DGKI: variants seen among roughly 807,000 people sequenced by gnomAD.
DGKI encodes the protein diacylglycerol kinase iota.
DGKI carries 55 observed loss-of-function variants against 147.5 expected under a neutral mutation model. That is an observed-to-expected ratio of 0.37 (90% CI 0.30 to 0.47). DGKI has a LOEUF of 0.47. DGKI is among the 20% of genes least tolerant of loss of function. The pLI, the probability that DGKI is intolerant of heterozygous loss-of-function variation, is 1.00. For missense variants in DGKI, 1,007 were observed against 1,323.8 expected (o/e 0.76, Z 3.71); for synonymous variants, 469 against 477.1 (o/e 0.98, Z 0.22).
intron 22 of DGKI, among the ~76,000 whole-genome samples, chr7:137,486,167 T>A (rs1815549771): frequency 6.6e-6 from 1 of 152,138 alleles, no homozygotes; most frequent in Non-Finnish European, 1.5e-5. Flanking sequence ...CCATTAGTTT[T>A]AAAAATTTTT....
intron 29 of DGKI, among the ~76,000 whole-genome samples, chr7:137,409,485 G>A (rs1027230520): frequency 2.0e-5 from 3 of 152,188 alleles, no homozygotes; most frequent in Admixed American, 6.5e-5. Context: ...AAACAGCCAC[G>A]GAAGACCTCC....
At chr7:137,484,714 G>A (rs1199795979) in intron 23 of DGKI, among the ~76,000 whole-genome samples, 10 of 151,956 alleles carry the variant, frequency 6.6e-5, no homozygotes, top group Admixed American at 6.6e-4. Flanking sequence ...AAGTCTGCTG[G>A]GATAAAGAAT....
intron 1 of DGKI, among the ~76,000 whole-genome samples, chr7:137,818,480 T>C (rs1054450707): frequency 6.6e-6 from 1 of 152,126 alleles, no homozygotes; most frequent in African/African-American, 2.4e-5. Flanking sequence ...CAGGCTGGAG[T>C]GCATGGCGCA....
chr7:137,643,629 G>C (rs3800616), intron 6 of DGKI, among the ~76,000 whole-genome samples: 27 of 152,182 alleles, frequency 1.8e-4, no homozygotes, highest in African/African-American at 6.0e-4. Context: ...CCCCACTGAC[G>C]ACGGACGTGC....
chr7:137,807,474 C>A (rs1797416794), intron 1 of DGKI, among the ~76,000 whole-genome samples: 1 of 152,178 alleles, frequency 6.6e-6, no homozygotes, highest in East Asian at 1.9e-4. Flanking sequence ...CTTTTAAGTA[C>A]CCTCTATTTT....
At chr7:137,570,967 A>G (rs1563091139) in intron 19 of DGKI, among the ~76,000 whole-genome samples, 1 of 152,156 alleles carries the variant, frequency 6.6e-6, no homozygotes, top group Non-Finnish European at 1.5e-5. Flanking sequence ...AGTGATACTC[A>G]TTTATTCTTG....
chr7:137,408,998 A>G (rs1011083981), intron 29 of DGKI, among the ~76,000 whole-genome samples: 1 of 152,242 alleles, frequency 6.6e-6, no homozygotes, highest in Non-Finnish European at 1.5e-5. Context: ...AAGGTGAAAG[A>G]GCATAAATGA....
chr7:137,527,541 T>A (rs1415829574), intron 20 of DGKI, among the ~76,000 whole-genome samples: 1 of 152,218 alleles, frequency 6.6e-6, no homozygotes, highest in Non-Finnish European at 1.5e-5. Flanking sequence ...TAACTCATGT[T>A]GAGACAAGAT....
At chr7:137,638,911 A>G (rs1370727961) in intron 6 of DGKI, among the ~76,000 whole-genome samples, 1 of 151,904 alleles carries the variant, frequency 6.6e-6, no homozygotes, top group Non-Finnish European at 1.5e-5. Context: ...ATTTGTACAT[A>G]GTCTATAATT....
rs117476611 is a variant in DGKI at position 137,836,833 on chromosome 7, C to T, written c.401+9629G>A. The stretch of plus-strand genomic sequence containing the variant: ...TATGCTTAGACATAAAAAGAATGTT[C>T]ATCCACTCAGCCAATCAACCTTTGT... On this transcript the variant is annotated intron_variant, in intron 1 of 32. Transcript: ENST00000614521. Among the ~76,000 whole-genome samples, 1,405 of 152,318 alleles carry T rather than the reference C, an allele frequency of 9.2e-3. 15 individuals are homozygous for T. The highest frequency in any genetic ancestry group is 0.014 in the Non-Finnish European group (961 of 68,028).
chr7:137,585,620 G>C (rs1361037060), intron 13 of DGKI, among the ~76,000 whole-genome samples: 1 of 152,164 alleles, frequency 6.6e-6, no homozygotes, highest in Non-Finnish European at 1.5e-5. Context: ...GGTCATACTG[G>C]AGGCTGGATG....
chr7:137,829,514 C>T lies in DGKI; in HGVS notation c.401+16948G>A, dbSNP rs140199041. Among the ~76,000 whole-genome samples, 461 of 152,300 alleles carry T rather than the reference C, an allele frequency of 3.0e-3. 5 individuals are homozygous for T. The highest frequency in any genetic ancestry group is 0.01 in the African/African-American group (434 of 41,568). Reference sequence around the variant, plus strand: ...ATAGAACTTTCCACAATGATGAAAACGTTCTGTAACTGTGCTGTCCAGCAG... The same window carrying T: ...ATAGAACTTTCCACAATGATGAAAATGTTCTGTAACTGTGCTGTCCAGCAG... On this transcript the variant is annotated intron_variant, in intron 1 of 32. Coordinates refer to ENST00000614521, the MANE Select transcript of DGKI (RefSeq NM_001321708.2).
intron 28 of DGKI, among the ~76,000 whole-genome samples, chr7:137,413,432 C>T (rs1463168121): frequency 6.6e-6 from 1 of 152,052 alleles, no homozygotes; most frequent in Non-Finnish European, 1.5e-5. Context: ...GCCTTTGTCC[C>T]CCTCCCTGTC....
chr7:137,661,356 G>A (rs3823550), intron 3 of DGKI, among the ~76,000 whole-genome samples: 2 of 152,102 alleles, frequency 1.3e-5, no homozygotes, highest in Non-Finnish European at 2.9e-5. Context: ...ATTCCCAGAC[G>A]TAATGCAAGG....
intron 1 of DGKI, among the ~76,000 whole-genome samples, chr7:137,799,204 G>C (rs1289481278): frequency 1.3e-5 from 2 of 152,072 alleles, no homozygotes; most frequent in African/African-American, 4.8e-5. Flanking sequence ...TGATACATCC[G>C]ATAACATAGA....
chr7:137,771,858 C>T (rs997356067), intron 1 of DGKI: 1 of 152,120 alleles, frequency 6.6e-6, no homozygotes, highest in Non-Finnish European at 1.5e-5. Flanking sequence ...TGGGAAATAC[C>T]TTCTAATAAG....
At chr7:137,763,025 A>G (rs888151915) in intron 1 of DGKI, among the ~76,000 whole-genome samples, 1 of 152,136 alleles carries the variant, frequency 6.6e-6, no homozygotes, top group South Asian at 2.1e-4. Context: ...TTTGATTTCC[A>G]TGTTCTCTTT....
At position 137,846,788 on chromosome 7, in the gene DGKI, G is replaced by T. The variant is rs1188574583; in HGVS notation, c.75C>A (p.Ala25=). 1.8e-5 allele frequency: 20 copies of T among 1,098,664 alleles called. No individual in the cohort carries two copies. Among genetic ancestry groups the T allele is most frequent in the Non-Finnish European group, 2.0e-5 (18 of 903,826 alleles). 68.1% of individuals were successfully genotyped at this position (1,098,664 alleles called of 1,614,324 possible). ...AARGPARAPA[A]AAAAAASPPG... ...GCGGGCTGGCGGCGGCGGCGGCGGC[G>T]GCTGCAGGAGCGCGGGCAGGTCCGC... The change falls in exon 1 of 33, where the codon GCC becomes GCA. Residue 25 remains alanine (A), a synonymous_variant. Transcript: ENST00000614521. This position sits in a 1 kb window ranked among gnomAD's most constrained non-coding sequence, Gnocchi z 4.0.
chr7:137,829,903 C>A (rs1334265999), intron 1 of DGKI, among the ~76,000 whole-genome samples: 1 of 152,108 alleles, frequency 6.6e-6, no homozygotes, highest in Non-Finnish European at 1.5e-5. Context: ...GAGGACGATG[C>A]AGGCATAAGT....
Sources: allele counts gnomAD v4.1 joint callset (sites outside exome capture counted in the v4.1 genomes callset), GRCh38; gene constraint gnomAD v4.1.1; non-coding constraint Gnocchi (gnomAD v3.1); transcripts MANE v1.5; gene names NCBI Gene and HGNC (gene_info 2026-07-23, HGNC 2026-07-21).